MTSS1: variants seen among roughly 807,000 people sequenced by gnomAD.
MTSS1 encodes MTSS I-BAR domain containing 1, also known as protein MTSS 1.
MTSS1 carries 18 observed loss-of-function variants against 79.0 expected under a neutral mutation model. The observed-to-expected ratio is 0.23, with a 90% confidence interval of 0.16 to 0.34. The LOEUF (loss-of-function observed/expected upper bound fraction) is 0.34. Ranked by LOEUF, MTSS1 falls within the 10% of genes least tolerant of loss-of-function variation. The pLI is 1.00. For missense variants in MTSS1, 815 were observed against 986.2 expected (o/e 0.83, Z 2.33); for synonymous variants, 341 against 368.6 (o/e 0.93, Z 0.86).
intron 3 of MTSS1, among the ~76,000 whole-genome samples, chr8:124,617,169 A>T (rs1355346064): frequency 6.6e-6 from 1 of 152,198 alleles, no homozygotes; most frequent in Non-Finnish European, 1.5e-5. Flanking sequence ...TTCCAGAATC[A>T]TTCCCAGAAT....
rs771198576 is a variant in MTSS1 at position 124,699,493 on chromosome 8, G to A, written c.208+33C>T. On this transcript the variant is annotated intron_variant, in intron 3 of 13. Transcript: ENST00000518547. ...GGGAAGAGTCCACGTGCAGAATGCAGTTAACACTGGGAGTCAGCCTCCATC... is the reference window on the plus strand; with the variant it reads ...GGGAAGAGTCCACGTGCAGAATGCAATTAACACTGGGAGTCAGCCTCCATC... The A allele has an allele frequency of 5.0e-6, 8 of 1,606,400 alleles. No individual in the cohort carries two copies. The African/African-American group carries it at 1.1e-4, about 21-fold the overall frequency.
rs1830254063 is a variant in MTSS1 at position 124,582,681 on chromosome 8, ACTG to A, written c.460+2403_460+2405del. On this transcript the variant is annotated intron_variant, in intron 6 of 13. Transcript: ENST00000518547. The surrounding 1 kb of genome is among the most constrained non-coding windows in gnomAD (Gnocchi z 4.8). ...CCGAACGCGTGGTGCGTCAGAAGGA[ACTG>A]CTAACACTTTTACAAACCGAGGGTC... 6.6e-6 allele frequency among the ~76,000 whole-genome samples: 1 copy of A among 152,222 alleles called. No homozygotes were observed. Among genetic ancestry groups the A allele is most frequent in the African/African-American group, 2.4e-5 (1 of 41,464 alleles).
At chr8:124,565,247 G>A (rs1309991985) in intron 9 of MTSS1, among the ~76,000 whole-genome samples, 1 of 152,200 alleles carries the variant, frequency 6.6e-6, no homozygotes, top group Non-Finnish European at 1.5e-5. Context: ...AAAATATGGG[G>A]TGAAATGAGG....
Position 124,683,676 on chromosome 8 carries a change from G to A in MTSS1, c.208+15850C>T, listed in dbSNP as rs776304921. Among the ~76,000 whole-genome samples, 7 of 152,176 alleles carry A rather than the reference G, an allele frequency of 4.6e-5. No individual in the cohort carries two copies. Among genetic ancestry groups the A allele is most frequent in the South Asian group, 2.1e-4 (1 of 4,830 alleles). Reference sequence around the variant, plus strand: ...CTGCAAATCTGTCAAGACACAGGGCGGGTGGAAACATCAGAAACCATCTTA... The same window carrying A: ...CTGCAAATCTGTCAAGACACAGGGCAGGTGGAAACATCAGAAACCATCTTA... On this transcript the variant is annotated intron_variant, in intron 3 of 13. Coordinates refer to ENST00000518547, the MANE Select transcript of MTSS1 (RefSeq NM_014751.6). This position sits in a 1 kb window ranked among gnomAD's most constrained non-coding sequence, Gnocchi z 4.5.
At chr8:124,667,298 C>G (rs748787340) in intron 3 of MTSS1, among the ~76,000 whole-genome samples, 1 of 151,970 alleles carries the variant, frequency 6.6e-6, no homozygotes, top group Non-Finnish European at 1.5e-5. Context: ...AAGGCCAAGA[C>G]AGAAATGGTT....
intron 3 of MTSS1, among the ~76,000 whole-genome samples, chr8:124,593,488 T>A (rs1013399739): frequency 4.6e-5 from 7 of 152,214 alleles, no homozygotes; most frequent in African/African-American, 1.7e-4. Context: ...GTTCACAGCG[T>A]CAAAAGACTG....
chr8:124,559,079 CCTAGGTCA>C (rs1328360085), intron 10 of MTSS1, among the ~76,000 whole-genome samples: 1 of 152,158 alleles, frequency 6.6e-6, no homozygotes, highest in East Asian at 1.9e-4. Flanking sequence ...CCCGGCCAGC[CCTAGGTCA>C]CTAGACTGTG....
At chr8:124,564,156 C>T (rs1825891093) in intron 9 of MTSS1, among the ~76,000 whole-genome samples, 1 of 144,660 alleles carries the variant, frequency 6.9e-6, no homozygotes, top group Admixed American at 6.8e-5. Flanking sequence ...AAAAAATGCT[C>T]CACACTCTGT....
At position 124,727,623 on chromosome 8, in the gene MTSS1, G is replaced by C; in HGVS notation, c.72+261C>G. The C allele has an allele frequency of 1.6e-6, 1 of 634,210 alleles. No individual in the cohort carries two copies. Among genetic ancestry groups the C allele is most frequent in the Non-Finnish European group, 2.9e-6 (1 of 341,114 alleles). 39.3% of individuals were successfully genotyped at this position (634,210 alleles called of 1,614,324 possible). A position where few individuals can be genotyped will look rare whatever the true frequency, so the allele number is the denominator to read the frequency against. ...CTTGAGCCCCCGAGGGAAAGAAATG[G>C]TGCCGCCCCCTGGGACAATGAGCGG... On this transcript the variant is annotated intron_variant, in intron 1 of 13. Transcript: ENST00000518547. The surrounding 1 kb of genome is among the most constrained non-coding windows in gnomAD (Gnocchi z 4.7).
rs543337842 is a variant in MTSS1, at chr8:124,678,632, T to C, written c.208+20894A>G. 1.0e-3 allele frequency among the ~76,000 whole-genome samples: 157 copies of C among 152,320 alleles called. 1 individual carries two copies. Among genetic ancestry groups the C allele is most frequent in the African/African-American group, 3.8e-3 (157 of 41,568 alleles). On this transcript the variant is annotated intron_variant, in intron 3 of 13. Coordinates refer to ENST00000518547, the MANE Select transcript of MTSS1 (RefSeq NM_014751.6). ...AAGAACAGCACAGGAAAACCCACCC[T>C]TGTGATTCAGTTACCTCCCACCAGG... is the stretch of plus-strand genomic sequence containing the variant.
intron 10 of MTSS1, chr8:124,558,800 C>A: frequency 1.3e-6 from 2 of 1,573,230 alleles, no homozygotes; most frequent in Non-Finnish European, 8.6e-7. Flanking sequence ...GGCAGGTTTC[C>A]GAGGCTTCGG....
chr8:124,673,043 C>T (rs1425351424), intron 3 of MTSS1, among the ~76,000 whole-genome samples: 1 of 152,108 alleles, frequency 6.6e-6, no homozygotes, highest in African/African-American at 2.4e-5. Context: ...TAACCCCAAG[C>T]TTGCAAATGA....
Position 124,553,774 on chromosome 8 carries a change from C to T in MTSS1, c.1568-82G>A. On this transcript the variant is annotated intron_variant, in intron 13 of 13. Transcript: ENST00000518547. This position sits in a 1 kb window ranked among gnomAD's most constrained non-coding sequence, Gnocchi z 6.0. ...TTCTGGGCTGGGAGGACAAAAGGCA[C>T]GCAAGGCAGGGTACACACACAGTCT... The T allele has an allele frequency of 4.8e-6, 6 of 1,257,312 alleles. No homozygotes were observed. The highest frequency in any genetic ancestry group is 2.4e-5 in the East Asian group (1 of 41,160). 77.9% of individuals were successfully genotyped at this position (1,257,312 alleles called of 1,614,324 possible).
rs777389541 is a variant in MTSS1, at chr8:124,553,212, G to A, written c.2048C>T (p.Pro683Leu). The A allele has an allele frequency of 6.2e-7, 1 of 1,614,152 alleles. No homozygotes were observed. Among genetic ancestry groups the A allele is most frequent in the South Asian group, 1.1e-5 (1 of 91,088 alleles). Residue 683 changes from proline to leucine, a missense_variant, in exon 14 of 14, where the codon CCT becomes CTT. Pro to Leu is a moderately conservative substitution (Grantham distance 98). This residue lies in a region of MTSS1 where 590 missense variants were observed against 620.8 expected (regional missense o/e 0.95). Transcript: ENST00000518547. The surrounding 1 kb of genome is among the most constrained non-coding windows in gnomAD (Gnocchi z 6.0). ...PPLPGPKPSI[P>L]EEHRQAIPES... ...TGGAATTGCCTGTCTGTGCTCCTCA[G>A]GGATACTGGGCTTCGGGCCTGGAAG...
chr8:124,584,509 C>T (rs770553427), intron 6 of MTSS1, among the ~76,000 whole-genome samples: 2 of 152,134 alleles, frequency 1.3e-5, no homozygotes, highest in South Asian at 2.1e-4. Flanking sequence ...AAAGATCTGA[C>T]GATTCATTTG....
Position 124,585,172 on chromosome 8 carries a change from G to A in MTSS1, c.386-11C>T, listed in dbSNP as rs1462617809. ...GGGCTTTCTTATATTCTAAGAGAAAGCAGAATATGGAACAATTTTACCACT... is the reference window on the plus strand; with the variant it reads ...GGGCTTTCTTATATTCTAAGAGAAAACAGAATATGGAACAATTTTACCACT... On this transcript the variant is annotated splice_polypyrimidine_tract_variant and intron_variant, in intron 5 of 13. Coordinates refer to ENST00000518547, the MANE Select transcript of MTSS1 (RefSeq NM_014751.6). 3 of 1,602,200 alleles carry A rather than the reference G, an allele frequency of 1.9e-6. No homozygotes were observed. Among genetic ancestry groups the A allele is most frequent in the Non-Finnish European group, 2.6e-6 (3 of 1,171,608 alleles).
chr8:124,666,479 A>AT (rs372144811), intron 3 of MTSS1, among the ~76,000 whole-genome samples: 3,817 of 152,106 alleles, frequency 0.025, 163 homozygotes, highest in African/African-American at 0.087. Context: ...GAACAAAGAT[A>AT]TAAGAGAAAA....
chr8:124,587,656 G>A (rs926901547), intron 5 of MTSS1, among the ~76,000 whole-genome samples: 6 of 152,108 alleles, frequency 3.9e-5, no homozygotes, highest in South Asian at 2.1e-4. Context: ...ATGCCACCAC[G>A]CCCAGCTAAT....
intron 3 of MTSS1, among the ~76,000 whole-genome samples, chr8:124,635,081 G>C (rs1226882177): frequency 1.3e-5 from 2 of 152,188 alleles, no homozygotes; most frequent in Non-Finnish European, 1.5e-5. Context: ...AACGCTCAAT[G>C]CCTAGCTCAA....
Sources: gnomAD v4.1 joint callset for allele counts (sites outside exome capture counted in the v4.1 genomes callset) on GRCh38, gnomAD v4.1.1 for gene constraint, gnomAD v4.1.1 regional missense constraint, Gnocchi (gnomAD v3.1) non-coding constraint, MANE v1.5 for transcripts, NCBI Gene and HGNC (gene_info 2026-07-23, HGNC 2026-07-21) for gene names.